Variants in PLPPR4 observed in about 807,000 individuals in gnomAD.
PLPPR4 encodes the protein phospholipid phosphatase-related protein type 4.
In PLPPR4, 24 loss-of-function variants were observed where a neutral mutation model predicts 56.6. The ratio of observed to expected loss-of-function variants is 0.42; its 90% CI spans 0.31 to 0.60. The LOEUF (loss-of-function observed/expected upper bound fraction) is 0.60. PLPPR4 is among the 20% of genes least tolerant of loss of function. The pLI is 0.13. For synonymous variants in PLPPR4, 326 were observed against 328.1 expected (o/e 0.99, Z 0.07); for missense variants, 654 against 885.8 (o/e 0.74, Z 3.32).
chr1:99,295,260 A>G (rs1283238845), intron 2 of PLPPR4, among the ~76,000 whole-genome samples: 1 of 152,230 alleles, frequency 6.6e-6, no homozygotes, highest in Admixed American at 6.5e-5. Context: ...AATTTTTAAT[A>G]CAAAGTAAGA....
Position 99,306,167 on chromosome 1 carries a change from A to G in PLPPR4, c.1305A>G (p.Ser435=). 1 of 1,614,030 alleles carries G rather than the reference A, an allele frequency of 6.2e-7. No homozygotes were observed. The change falls in exon 7 of 7, where the codon TCA becomes TCG. Residue 435 remains serine (S), a synonymous_variant. Coordinates refer to ENST00000370185, the MANE Select transcript of PLPPR4 (RefSeq NM_014839.5). The surrounding 1 kb of genome is among the most constrained non-coding windows in gnomAD (Gnocchi z 4.0). The part of the protein sequence containing the change: ...PPRSIEMRSS[S]EPSRVGVNGD... ...GATCCATAGAAATGAGGTCAAGCTC[A>G]GAGCCATCGAGGGTAGGGGTGAATG... is the stretch of plus-strand genomic sequence containing the variant.
chr1:99,288,842 A>C (rs904345724), intron 2 of PLPPR4, among the ~76,000 whole-genome samples: 4 of 152,180 alleles, frequency 2.6e-5, no homozygotes, highest in African/African-American at 9.6e-5. Context: ...TGATCTTTAC[A>C]TGTTATATGA....
intron 1 of PLPPR4, 73 bp downstream of exon 1, chr1:99,264,744 G>T: frequency 6.7e-7 from 1 of 1,496,306 alleles, no homozygotes; most frequent in East Asian, 2.5e-5. Flanking sequence ...GTCCTGGACA[G>T]TGTTGGAGGC....
chr1:99,273,023 A>G (rs1455546224), intron 1 of PLPPR4, among the ~76,000 whole-genome samples: 1 of 152,128 alleles, frequency 6.6e-6, no homozygotes, highest in Non-Finnish European at 1.5e-5. Flanking sequence ...GTAGCCTTTT[A>G]TGGTATGAAT....
At chr1:99,303,055 T>C (rs1659925265) in intron 6 of PLPPR4, among the ~76,000 whole-genome samples, 2 of 152,134 alleles carry the variant, frequency 1.3e-5, no homozygotes, top group African/African-American at 2.4e-5. Context: ...ATTTTAGGAA[T>C]AGCAAACTGC....
Position 99,288,045 on chromosome 1 carries a change from T to C in PLPPR4, c.159T>C (p.Phe53=), listed in dbSNP as rs1659514858. 2 of 1,613,872 alleles carry C rather than the reference T, an allele frequency of 1.2e-6. No individual in the cohort carries two copies. Among genetic ancestry groups the C allele is most frequent in the Non-Finnish European group, 1.7e-6 (2 of 1,179,918 alleles). ...TDVFKPVHSG[F]SCYDRSLSMP... ...TCTTCAAACCTGTGCACTCTGGATT[T>C]AGCTGCTATGACCGGAGTCTTAGCA... Residue 53 remains phenylalanine, a synonymous_variant, in exon 2 of 7, where the codon TTT becomes TTC. Coordinates refer to ENST00000370185, the MANE Select transcript of PLPPR4 (RefSeq NM_014839.5).
rs528969633 is a variant in PLPPR4 at position 99,285,951 on chromosome 1, A to T, written c.79-2014A>T. Among the ~76,000 whole-genome samples the T allele has an allele frequency of 3.3e-5, 5 of 152,274 alleles. No homozygotes were observed. In the South Asian group the frequency reaches 1.0e-3, roughly 32 times the overall value. On this transcript the variant is annotated intron_variant, in intron 1 of 6. Coordinates refer to ENST00000370185, the MANE Select transcript of PLPPR4 (RefSeq NM_014839.5). Reference sequence around the variant, plus strand: ...CTGAGAGCAGGTCTCTCACTAAGCTATTGCTCCTTGGTGACCAAGTCTATC... The same window carrying T: ...CTGAGAGCAGGTCTCTCACTAAGCTTTTGCTCCTTGGTGACCAAGTCTATC...
upstream of PLPPR4, among the ~76,000 whole-genome samples, chr1:99,263,782 A>G (rs774371474): frequency 6.6e-6 from 1 of 152,218 alleles, no homozygotes; most frequent in African/African-American, 2.4e-5. Flanking sequence ...AGATTAGAAC[A>G]TACAGTAGCC....
intron 2 of PLPPR4, among the ~76,000 whole-genome samples, chr1:99,288,534 G>A (rs1659531313): frequency 1.3e-5 from 2 of 151,984 alleles, no homozygotes; most frequent in African/African-American, 4.8e-5. Context: ...ATAGCCAAAA[G>A]TGCATTTGCT....
chr1:99,283,684 C>T (rs746905817), intron 1 of PLPPR4, among the ~76,000 whole-genome samples: 3 of 152,230 alleles, frequency 2.0e-5, no homozygotes, highest in Non-Finnish European at 4.4e-5. Flanking sequence ...GGCGCGGTGG[C>T]TCACGCCTGT....
At chr1:99,289,991 A>T (rs1020622705) in intron 2 of PLPPR4, among the ~76,000 whole-genome samples, 3 of 152,186 alleles carry the variant, frequency 2.0e-5, no homozygotes, top group Non-Finnish European at 4.4e-5. Context: ...GAAGAGAAGT[A>T]AGACTATTGC....
chr1:99,283,376 C>T (rs983316823), intron 1 of PLPPR4, among the ~76,000 whole-genome samples: 1 of 152,106 alleles, frequency 6.6e-6, no homozygotes, highest in Non-Finnish European at 1.5e-5. Flanking sequence ...GCTGTCTGAT[C>T]TAGATAAAAT....
intron 2 of PLPPR4, among the ~76,000 whole-genome samples, chr1:99,296,041 C>A (rs895469901): frequency 6.6e-6 from 1 of 152,108 alleles, no homozygotes; most frequent in Non-Finnish European, 1.5e-5. Flanking sequence ...TCCTAAAATC[C>A]TGCAGCAAAG....
In PLPPR4 at chr1:99,266,175, A is replaced by G. The variant is rs142691475; in HGVS notation, c.78+1504A>G. ...GATGAGATACCTGCCTTCAAGTTCA[A>G]TCCATCAGACCACTTGTCGCATGGC... On this transcript the variant is annotated intron_variant, in intron 1 of 6. Coordinates refer to ENST00000370185, the MANE Select transcript of PLPPR4 (RefSeq NM_014839.5). Among the ~76,000 whole-genome samples the G allele has an allele frequency of 2.1e-3, 327 of 152,360 alleles. 1 individual carries two copies. Among genetic ancestry groups the G allele is most frequent in the African/African-American group, 7.7e-3 (322 of 41,590 alleles).
intron 2 of PLPPR4, among the ~76,000 whole-genome samples, chr1:99,295,989 TC>T (rs1659731601): frequency 6.6e-6 from 1 of 152,126 alleles, no homozygotes; most frequent in Non-Finnish European, 1.5e-5. Flanking sequence ...CTGAGGGAAA[TC>T]ATGCCTAAAT....
At chr1:99,262,972 G>A (rs1175205242), upstream of PLPPR4, among the ~76,000 whole-genome samples, 3 of 152,138 alleles carry the variant, frequency 2.0e-5, no homozygotes, top group African/African-American at 7.2e-5. Context: ...GTGTGGTGGG[G>A]GGTGAGGGCA....
chr1:99,290,530 C>A (rs1449620665), intron 2 of PLPPR4, among the ~76,000 whole-genome samples: 2 of 151,908 alleles, frequency 1.3e-5, no homozygotes, highest in Non-Finnish European at 2.9e-5. Flanking sequence ...TCACATTACC[C>A]AAGTTCAAAT....
At chr1:99,302,767 TG>T (rs1394830373) in intron 6 of PLPPR4, among the ~76,000 whole-genome samples, 1 of 148,806 alleles carries the variant, frequency 6.7e-6, no homozygotes, top group African/African-American at 2.5e-5. Context: ...ATGCGGTGTT[TG>T]GTTTTTTATC....
chr1:99,306,184 G>A lies in PLPPR4; in HGVS notation c.1322G>A (p.Gly441Glu). Residue 441 changes from glycine (G) to glutamate (E), a missense_variant, in exon 7 of 7, where the codon GGG (glycine) becomes GAG (glutamate). By Grantham distance (98) the Gly-to-Glu change is moderately conservative (BLOSUM62 -2). Transcript: ENST00000370185. This position sits in a 1 kb window ranked among gnomAD's most constrained non-coding sequence, Gnocchi z 4.0. ...TCAAGCTCAGAGCCATCGAGGGTAGGGGTGAATGGAGACCACCATGGTCCT... is the reference window on the plus strand; with the variant it reads ...TCAAGCTCAGAGCCATCGAGGGTAGAGGTGAATGGAGACCACCATGGTCCT... ...MRSSSEPSRV[G>E]VNGDHHGPGN... is the part of the protein sequence containing the mutation. The A allele has an allele frequency of 3.7e-6, 6 of 1,614,112 alleles. No homozygotes were observed. Among genetic ancestry groups the A allele is most frequent in the Non-Finnish European group, 5.1e-6 (6 of 1,180,026 alleles).
Sources: allele counts gnomAD v4.1 joint callset (sites outside exome capture counted in the v4.1 genomes callset), GRCh38; gene constraint gnomAD v4.1.1; non-coding constraint Gnocchi (gnomAD v3.1); transcripts MANE v1.5; gene names NCBI Gene and HGNC (gene_info 2026-07-23, HGNC 2026-07-21).